NIPSNAP1: variants seen among roughly 807,000 people sequenced by gnomAD.
The protein encoded by NIPSNAP1 is nipsnap homolog 1.
Under a neutral mutation model 49.2 loss-of-function variants are expected in NIPSNAP1, and 25 were observed. The observed-to-expected ratio is 0.51, with a 90% CI of 0.37 to 0.71. NIPSNAP1 has a LOEUF of 0.71. Among genes scored for constraint, NIPSNAP1 ranks in the 30% least tolerant of loss-of-function variants. The pLI, the probability that NIPSNAP1 is intolerant of heterozygous loss-of-function variation, is 0.00. For synonymous variants in NIPSNAP1, 143 were observed against 140.7 expected (o/e 1.02, Z -0.12); for missense variants, 294 against 361.0 (o/e 0.81, Z 1.50).
chr22:29,570,321 G>T, intron 2 of NIPSNAP1, 84 bp downstream of exon 2: 1 of 1,609,634 alleles, frequency 6.2e-7, no homozygotes, highest in Admixed American at 1.7e-5. Context: ...GGACATTCCA[G>T]ACCCTCCCAT....
rs1410481574 is a variant in NIPSNAP1, at chr22:29,554,895, A to G, written c.*1040T>C. 3 of 152,706 alleles carry G rather than the reference A, an allele frequency of 2.0e-5. No homozygotes were observed. Among genetic ancestry groups the G allele is most frequent in the Admixed American group, 1.3e-4 (2 of 15,292 alleles). 9.5% of individuals were successfully genotyped at this position (152,706 alleles called of 1,614,324 possible). The stretch of plus-strand genomic sequence containing the variant: ...GCAGAATCAAGCTACCCAAGGGTTC[A>G]TGATGAGGTATGGGGGTCACTGAGG... On this transcript the variant is annotated 3_prime_UTR_variant, in exon 10 of 10. Coordinates refer to ENST00000216121, the MANE Select transcript of NIPSNAP1 (RefSeq NM_003634.4).
At chr22:29,566,795 G>A (rs2064371073) in intron 4 of NIPSNAP1, among the ~76,000 whole-genome samples, 1 of 151,980 alleles carries the variant, frequency 6.6e-6, no homozygotes. Context: ...CTGCAGTCCA[G>A]CCTGGGAAAC....
At chr22:29,569,321 CAT>C in intron 3 of NIPSNAP1, 34 bp from the exon 4 acceptor site, 1 of 1,528,354 alleles carries the variant, frequency 6.5e-7, no homozygotes, top group Admixed American at 1.7e-5. Context: ...GCAGGGTTCA[CAT>C]AGCCACCAGG....
rs138586681 is a variant in NIPSNAP1, at chr22:29,561,810, G to A, written c.420C>T (p.Asn140=). The A allele has an allele frequency of 3.1e-6, 5 of 1,614,068 alleles. No homozygotes were observed. The African/African-American group carries it at 5.3e-5, about 17-fold the overall frequency. Residue 140 remains asparagine (N), a synonymous_variant, in exon 5 of 10, where the codon AAC becomes AAT. Coordinates refer to ENST00000216121, the MANE Select transcript of NIPSNAP1 (RefSeq NM_003634.4). ...AACATACCTTATTGTTTTTGAGCTTGTTCATGCAGTCCATGAGGGCTGGGT... is the reference window on the plus strand; with the variant it reads ...AACATACCTTATTGTTTTTGAGCTTATTCATGCAGTCCATGAGGGCTGGGT... ...GGYPALMDCM[N]KLKNNKEYLE... is the part of the protein sequence containing the mutation.
At chr22:29,570,562 G>A (rs202055867) in intron 1 of NIPSNAP1, 30 bp from the exon 2 acceptor site, 34 of 1,604,844 alleles carry the variant, frequency 2.1e-5, no homozygotes, top group African/African-American at 8.0e-5. Context: ...AGGGGGACGC[G>A]CGGAGGTTGG....
chr22:29,568,138 C>T (rs921762019), intron 4 of NIPSNAP1, among the ~76,000 whole-genome samples: 1 of 141,994 alleles, frequency 7.0e-6, no homozygotes. Context: ...AAGATTATGC[C>T]ACTGCACTCC....
At chr22:29,565,121 C>T (rs929835209) in intron 4 of NIPSNAP1, among the ~76,000 whole-genome samples, 1 of 152,100 alleles carries the variant, frequency 6.6e-6, no homozygotes, top group Non-Finnish European at 1.5e-5. Context: ...AGAGGATCGC[C>T]TGAGCCTAGG....
At chr22:29,559,065 C>T (rs1290067705) in intron 8 of NIPSNAP1, 112 bp from the exon 9 acceptor site, 1 of 771,186 alleles carries the variant, frequency 1.3e-6, no homozygotes, top group Non-Finnish European at 2.3e-6. Context: ...CTCCTCCTCC[C>T]TAGATGCCTC....
intron 1 of NIPSNAP1, among the ~76,000 whole-genome samples, chr22:29,574,457 T>C (rs903178221): frequency 2.6e-5 from 4 of 151,868 alleles, no homozygotes; most frequent in Admixed American, 6.6e-5. Flanking sequence ...CTCTCGATCA[T>C]TGTACATGCA....
At chr22:29,556,490 C>T (rs1201714210) in intron 9 of NIPSNAP1, among the ~76,000 whole-genome samples, 1 of 151,892 alleles carries the variant, frequency 6.6e-6, no homozygotes, top group Non-Finnish European at 1.5e-5. Context: ...GGCCATTGCA[C>T]TCCAGCCTGG....
intron 1 of NIPSNAP1, among the ~76,000 whole-genome samples, chr22:29,571,926 C>G (rs1203960528): frequency 4.6e-5 from 7 of 151,956 alleles, no homozygotes; most frequent in African/African-American, 1.7e-4. Flanking sequence ...CAGGCGCGTA[C>G]CACCACATCC....
chr22:29,571,812 G>C (rs1418940826), intron 1 of NIPSNAP1, among the ~76,000 whole-genome samples: 2 of 150,750 alleles, frequency 1.3e-5, no homozygotes, highest in Admixed American at 1.3e-4. Flanking sequence ...TCTTGCTCTT[G>C]TTGCTCAGGC....
At chr22:29,572,919 A>G (rs1229519811) in intron 1 of NIPSNAP1, among the ~76,000 whole-genome samples, 1 of 152,094 alleles carries the variant, frequency 6.6e-6, no homozygotes. Context: ...AATCAAGGCT[A>G]CAATGAACTA....
chr22:29,560,907 CA>C, intron 7 of NIPSNAP1, 79 bp from the exon 8 acceptor site: 2 of 1,346,354 alleles, frequency 1.5e-6, no homozygotes, highest in Non-Finnish European at 2.1e-6. Context: ...GGCCACACTT[CA>C]CAGGAGGGGC....
intron 8 of NIPSNAP1, among the ~76,000 whole-genome samples, chr22:29,560,241 C>CTTTTTTTTTT (rs35947318): frequency 2.1e-5 from 3 of 145,292 alleles, no homozygotes; most frequent in East Asian, 2.0e-4. Flanking sequence ...CTCTCCCTGC[C>CTTTTTTTTTT]TTTTTTTTTT....
intron 1 of NIPSNAP1, chr22:29,579,750 A>C: frequency 4.2e-6 from 1 of 238,362 alleles, no homozygotes; most frequent in Non-Finnish European, 8.7e-6. Context: ...TTTAATCCTC[A>C]ACAACCCTAT....
rs749039983 is a variant in NIPSNAP1, at chr22:29,569,307, A to AGG, written c.273-22_273-21dup. 1.3e-6 allele frequency: 2 copies of AGG among 1,597,068 alleles called. No individual in the cohort carries two copies. Among genetic ancestry groups the AGG allele is most frequent in the Non-Finnish European group, 1.7e-6 (2 of 1,165,186 alleles). ...GCCTCCCTGTGGGGGAGGTGCAGAG[A>AGG]GGGGCAGGGTTCACATAGCCACCAG... On this transcript the variant is annotated intron_variant, in intron 3 of 9. Transcript: ENST00000216121.
intron 4 of NIPSNAP1, 32 bp downstream of exon 4, chr22:29,569,161 T>C: frequency 6.3e-7 from 1 of 1,586,432 alleles, no homozygotes; most frequent in Non-Finnish European, 8.6e-7. Context: ...GGCTGGGCAG[T>C]GGCAATGGCA....
At chr22:29,558,831 C>T in intron 9 of NIPSNAP1, 39 bp downstream of exon 9, 1 of 1,439,972 alleles carries the variant, frequency 6.9e-7, no homozygotes, top group Non-Finnish European at 9.8e-7. Context: ...CATCCTCAGA[C>T]AGGGTTCTCA....
Sources: gnomAD v4.1 joint callset for allele counts (sites outside exome capture counted in the v4.1 genomes callset) on GRCh38, gnomAD v4.1.1 for gene constraint, MANE v1.5 for transcripts, NCBI Gene and HGNC (gene_info 2026-07-23, HGNC 2026-07-21) for gene names.